Variants in CREBBP observed in about 807,000 individuals in gnomAD.
The protein encoded by CREBBP is CREB binding lysine acetyltransferase, also known as CREB-binding protein.
CREBBP carries 19 observed loss-of-function variants against 265.0 expected under a neutral mutation model. The observed-to-expected ratio is 0.07, with a 90% confidence interval of 0.05 to 0.11. The LOEUF (loss-of-function observed/expected upper bound fraction) is 0.11, where lower values mean the gene tolerates loss of function less well. Among genes scored for constraint, CREBBP ranks in the 10% least tolerant of loss-of-function variants. CREBBP has a pLI of 1.00. For synonymous variants in CREBBP, 1,457 were observed against 1,223.7 expected (o/e 1.19, Z -3.98); for missense variants, 2,525 against 3,219.0 (o/e 0.78, Z 5.22).
intron 1 of CREBBP, among the ~76,000 whole-genome samples, chr16:3,858,053 C>T (rs1017207587): frequency 3.3e-4 from 50 of 152,270 alleles, no homozygotes; most frequent in African/African-American, 1.2e-3. Flanking sequence ...AAACCCAAGC[C>T]GGTGGTCTGC....
intron 5 of CREBBP, among the ~76,000 whole-genome samples, chr16:3,783,988 A>G (rs1392244131): frequency 2.6e-5 from 4 of 152,218 alleles, no homozygotes; most frequent in Non-Finnish European, 5.9e-5. Context: ...CTGTTGTGTG[A>G]AAATTTATCA....
intron 16 of CREBBP, among the ~76,000 whole-genome samples, chr16:3,762,754 T>TAAAATTACAAAAAATGTGAC (rs2052753053): frequency 1.3e-5 from 2 of 151,880 alleles, no homozygotes; most frequent in African/African-American, 4.8e-5. Context: ...AATAAAAAAC[T>TAAAATTACAAAAAATGTGAC]CAGTTCCTCG....
intron 2 of CREBBP, among the ~76,000 whole-genome samples, chr16:3,821,292 G>A (rs2054137195): frequency 6.6e-6 from 1 of 152,224 alleles, no homozygotes; most frequent in South Asian, 2.1e-4. Flanking sequence ...AGTGACAACT[G>A]AGGGTTCTGA....
At chr16:3,774,518 T>G (rs1596897172) in intron 12 of CREBBP, 51 bp downstream of exon 12, 1 of 1,612,042 alleles carries the variant, frequency 6.2e-7, no homozygotes, top group Non-Finnish European at 8.5e-7. Flanking sequence ...TTAGATAATG[T>G]TCCATGTGAG....
At chr16:3,838,801 C>T (rs557517070) in intron 2 of CREBBP, among the ~76,000 whole-genome samples, 4 of 152,236 alleles carry the variant, frequency 2.6e-5, no homozygotes, top group East Asian at 1.9e-4. Context: ...CTCCCACCTC[C>T]GCCTCCCAAG....
chr16:3,794,022 T>C (rs1712530217), intron 3 of CREBBP, among the ~76,000 whole-genome samples: 1 of 152,094 alleles, frequency 6.6e-6, no homozygotes, highest in African/African-American at 2.4e-5. Context: ...GGGTACAACC[T>C]AATTAAAAAG....
chr16:3,880,115 C>A lies in CREBBP; in HGVS notation c.-199G>T. On this transcript the variant is annotated 5_prime_UTR_variant, in exon 1 of 31. Coordinates refer to ENST00000262367, the MANE Select transcript of CREBBP (RefSeq NM_004380.3). Reference sequence around the variant, plus strand: ...AAATCTCAGCCACAGCAACAGCGCCCCGCAGCGCTCACCGCCCGCCCCCGG... The same window carrying A: ...AAATCTCAGCCACAGCAACAGCGCCACGCAGCGCTCACCGCCCGCCCCCGG... 1 of 200,154 alleles carries A rather than the reference C, an allele frequency of 5.0e-6. No homozygotes were observed. Among genetic ancestry groups the A allele is most frequent in the South Asian group, 1.6e-4 (1 of 6,156 alleles). 12.4% of individuals were successfully genotyped at this position (200,154 alleles called of 1,614,324 possible). A position where few individuals can be genotyped will look rare whatever the true frequency, so the allele number is the denominator to read the frequency against.
intron 1 of CREBBP, among the ~76,000 whole-genome samples, chr16:3,859,586 A>G (rs1248615671): frequency 6.6e-6 from 1 of 152,180 alleles, no homozygotes; most frequent in Non-Finnish European, 1.5e-5. Flanking sequence ...AGACCAAGGC[A>G]TGACTGATTA....
At chr16:3,819,067 T>C (rs2054093929) in intron 2 of CREBBP, among the ~76,000 whole-genome samples, 1 of 152,260 alleles carries the variant, frequency 6.6e-6, no homozygotes, top group African/African-American at 2.4e-5. Context: ...GATCTGTCTA[T>C]GAAAACAGGG....
chr16:3,821,603 G>C (rs1364107736), intron 2 of CREBBP, among the ~76,000 whole-genome samples: 1 of 151,934 alleles, frequency 6.6e-6, no homozygotes, highest in Non-Finnish European at 1.5e-5. Context: ...TTTTTTTTAG[G>C]TAGAAGAGTA....
chr16:3,808,561 A>C (rs1369495011), intron 3 of CREBBP, among the ~76,000 whole-genome samples: 1 of 152,232 alleles, frequency 6.6e-6, no homozygotes, highest in Non-Finnish European at 1.5e-5. Flanking sequence ...CCCGGGCAGA[A>C]ACTGCCCTTG....
intron 11 of CREBBP, among the ~76,000 whole-genome samples, chr16:3,776,542 C>T (rs1378672058): frequency 6.6e-6 from 1 of 152,152 alleles, no homozygotes; most frequent in East Asian, 1.9e-4. Context: ...CCCCTAGGGC[C>T]AAGAGCAGCC....
chr16:3,751,981 C>T (rs2052485016), intron 19 of CREBBP, 175 bp from the exon 20 acceptor site: 2 of 686,178 alleles, frequency 2.9e-6, no homozygotes, highest in Non-Finnish European at 5.3e-6. Flanking sequence ...TGGGGAAAGG[C>T]AGGATTAGAG....
chr16:3,854,217 GA>G (rs1307796909), intron 1 of CREBBP, among the ~76,000 whole-genome samples: 1 of 152,194 alleles, frequency 6.6e-6, no homozygotes, highest in Non-Finnish European at 1.5e-5. Flanking sequence ...AAGGGAATCT[GA>G]AGGTACACTG....
chr16:3,864,205 G>A (rs914463692), intron 1 of CREBBP, among the ~76,000 whole-genome samples: 4 of 152,310 alleles, frequency 2.6e-5, no homozygotes, highest in Admixed American at 2.6e-4. Flanking sequence ...GATGTAGCTG[G>A]CAGGCGGCAA....
chr16:3,831,124 T>C (rs960043471), intron 2 of CREBBP, among the ~76,000 whole-genome samples: 44 of 152,294 alleles, frequency 2.9e-4, no homozygotes, highest in Admixed American at 2.5e-3. Context: ...AAAAACCATT[T>C]GCTGGGCCGT....
chr16:3,761,133 T>C lies in CREBBP; in HGVS notation c.3251-2161A>G, dbSNP rs539786833. On this transcript the variant is annotated intron_variant, in intron 16 of 30. Coordinates refer to ENST00000262367, the MANE Select transcript of CREBBP (RefSeq NM_004380.3). ...CCACACCCAGCTAATTTTGTATTTTTAGTAGAGACTGGGTTTCTCCATGTT... is the reference window on the plus strand; with the variant it reads ...CCACACCCAGCTAATTTTGTATTTTCAGTAGAGACTGGGTTTCTCCATGTT... 2.1e-4 allele frequency among the ~76,000 whole-genome samples: 32 copies of C among 152,174 alleles called. No individual in the cohort carries two copies. The East Asian group carries it at 6.0e-3, about 29-fold the overall frequency.
At chr16:3,777,988 G>C (rs2141232288) in intron 10 of CREBBP, 23 bp downstream of exon 10, 1 of 1,612,670 alleles carries the variant, frequency 6.2e-7, no homozygotes, top group East Asian at 2.2e-5. Context: ...CTAAGGGATG[G>C]CAGTAGGAAA....
chr16:3,792,675 C>T (rs544933329), intron 4 of CREBBP, among the ~76,000 whole-genome samples: 1 of 152,212 alleles, frequency 6.6e-6, no homozygotes, highest in African/African-American at 2.4e-5. Flanking sequence ...AATGTCACAA[C>T]GGGAGACGGG....
Sources: allele counts gnomAD v4.1 joint callset (sites outside exome capture counted in the v4.1 genomes callset), GRCh38; gene constraint gnomAD v4.1.1; transcripts MANE v1.5; gene names NCBI Gene and HGNC (gene_info 2026-07-23, HGNC 2026-07-21).